ANGPTL4: variants seen among roughly 807,000 people sequenced by gnomAD.
The protein encoded by ANGPTL4 is angiopoietin like 4.
In ANGPTL4, 39 loss-of-function variants were observed where a neutral mutation model predicts 39.2. That is an observed-to-expected ratio of 1.00 (90% CI 0.77 to 1.30). The LOEUF (loss-of-function observed/expected upper bound fraction) is 1.30. ANGPTL4 is among the 50% of genes most tolerant of loss of function. ANGPTL4 has a pLI of 0.00. For synonymous variants in ANGPTL4, 233 were observed against 229.5 expected (o/e 1.02, Z -0.14); for missense variants, 545 against 549.8 (o/e 0.99, Z 0.09).
chr19:8,371,966 G>A lies in ANGPTL4; in HGVS notation c.1039+444G>A, dbSNP rs1182707872. On this transcript the variant is annotated intron_variant, in intron 6 of 6. Transcript: ENST00000301455. The surrounding 1 kb of genome is among the most constrained non-coding windows in gnomAD (Gnocchi z 5.1). ...GTAGAGATGGGGTTTCACCGTGTTA[G>A]CCAGGATGGTCTCGATCTCCTGACC... Among the ~76,000 whole-genome samples the A allele has an allele frequency of 6.6e-6, 1 of 152,024 alleles. No individual in the cohort carries two copies.
intron 3 of ANGPTL4, among the ~76,000 whole-genome samples, chr19:8,366,795 A>G (rs2145473065): frequency 6.6e-6 from 1 of 151,814 alleles, no homozygotes; most frequent in Middle Eastern, 3.4e-3. Context: ...CAGACCAGAA[A>G]CACTCTTGTA....
Position 8,371,521 on chromosome 19 carries a change from T to A in ANGPTL4, c.1038T>A (p.Ser346=). The A allele has an allele frequency of 6.2e-7, 1 of 1,612,844 alleles. No homozygotes were observed. The highest frequency in any genetic ancestry group is 8.5e-7 in the Non-Finnish European group (1 of 1,180,006). The part of the protein sequence containing the change: ...RRDKNCAKSL[S]GGWWFGTCSH... ...ACAAGAACTGCGCCAAGAGCCTCTC[T>A]GGTGAGCAGGCCCTGCCATGCCACA... is the stretch of plus-strand genomic sequence containing the variant. Residue 346 remains serine, a splice_region_variant and synonymous_variant, in exon 6 of 7, where the codon TCT becomes TCA. Transcript: ENST00000301455. This position sits in a 1 kb window ranked among gnomAD's most constrained non-coding sequence, Gnocchi z 5.1.
rs763376245 is a variant in ANGPTL4 at position 8,374,313 on chromosome 19, G to A, written c.*427G>A. 10 of 192,348 alleles carry A rather than the reference G, an allele frequency of 5.2e-5. No homozygotes were observed. The highest frequency in any genetic ancestry group is 4.7e-3 in the Middle Eastern group (2 of 422). The allele number at this position is 192,348 out of a possible 1,614,324, so 11.9% of individuals were successfully genotyped here. On this transcript the variant is annotated 3_prime_UTR_variant, in exon 7 of 7. Transcript: ENST00000301455. The stretch of plus-strand genomic sequence containing the variant: ...AGGTCCCCTGGGGACACAAGCAGGC[G>A]CCAATGGTATCTGGGCGGAGCTCAC...
rs746114692 is a variant in ANGPTL4 at position 8,371,422 on chromosome 19, C to T, written c.939C>T (p.Gly313=). Reference sequence around the variant, plus strand: ...CTGCACCCGTGGCCGGCCAGCTGGGCGCCACCACCGTCCCACCCAGCGGCC... The same window carrying T: ...CTGCACCCGTGGCCGGCCAGCTGGGTGCCACCACCGTCCCACCCAGCGGCC... ...QLTAPVAGQL[G]ATTVPPSGLS... The change falls in exon 6 of 7, where the codon GGC becomes GGT. Residue 313 remains glycine, a synonymous_variant. Coordinates refer to ENST00000301455, the MANE Select transcript of ANGPTL4 (RefSeq NM_139314.3). This position sits in a 1 kb window ranked among gnomAD's most constrained non-coding sequence, Gnocchi z 5.1. The T allele has an allele frequency of 6.8e-6, 11 of 1,613,332 alleles. No individual in the cohort carries two copies. The highest frequency in any genetic ancestry group is 3.3e-5 in the South Asian group (3 of 91,078).
At chr19:8,372,392 CTTTTTTT>C (rs34408253) in intron 6 of ANGPTL4, among the ~76,000 whole-genome samples, 1 of 110,328 alleles carries the variant, frequency 9.1e-6, no homozygotes, top group Non-Finnish European at 1.9e-5. Context: ...CCACAGGATT[CTTTTTTT>C]TTTTTTTTTT....
chr19:8,366,959 C>T lies in ANGPTL4; in HGVS notation c.547+640C>T, dbSNP rs141887872. ...TGTAGGTGCTTTATTCCCAAATCTC[C>T]GTTCATCTCGAACCACAGCATGTCC... On this transcript the variant is annotated intron_variant, in intron 3 of 6. Coordinates refer to ENST00000301455, the MANE Select transcript of ANGPTL4 (RefSeq NM_139314.3). Among the ~76,000 whole-genome samples, 307 of 151,496 alleles carry T rather than the reference C, an allele frequency of 2.0e-3. 1 individual carries two copies. The Middle Eastern group carries it at 0.02, about 10-fold the overall frequency.
At position 8,371,067 on chromosome 19, in the gene ANGPTL4, A is replaced by G. The variant is rs531895900; in HGVS notation, c.673A>G (p.Thr225Ala). 5.6e-6 allele frequency: 9 copies of G among 1,597,754 alleles called. No homozygotes were observed. In the South Asian group the frequency reaches 9.0e-5, roughly 16 times the overall value. ...NCKMTSDGGW[T>A]VIQRRHDGSV... ...ACCTTTCTGGGCAGATGGAGGCTGG[A>G]CAGTAATTCAGAGGCGCCACGATGG... The change falls in exon 5 of 7, where the codon ACA (threonine) becomes GCA (alanine). Residue 225 changes from threonine (T) to alanine (A), a missense_variant. Transcript: ENST00000301455. The surrounding 1 kb of genome is among the most constrained non-coding windows in gnomAD (Gnocchi z 5.1).
chr19:8,370,865 G>A (rs1410069601), intron 4 of ANGPTL4, among the ~76,000 whole-genome samples, 191 bp from the exon 5 acceptor site: 1 of 152,082 alleles, frequency 6.6e-6, no homozygotes, highest in African/African-American at 2.4e-5. Context: ...GGGTTCTTGG[G>A]ACAAAGATCT....
rs1971122612 is a variant in ANGPTL4, at chr19:8,371,604, C to G, written c.1039+82C>G. 4 of 1,576,190 alleles carry G rather than the reference C, an allele frequency of 2.5e-6. No individual in the cohort carries two copies. Among genetic ancestry groups the G allele is most frequent in the Middle Eastern group, 1.8e-4 (1 of 5,624 alleles). On this transcript the variant is annotated intron_variant, in intron 6 of 6. Coordinates refer to ENST00000301455, the MANE Select transcript of ANGPTL4 (RefSeq NM_139314.3). This position sits in a 1 kb window ranked among gnomAD's most constrained non-coding sequence, Gnocchi z 5.1. ...CTGCTCTGTCCTGCCTTCAACCCCA[C>G]ATTGCATCTGTTTCCTGCCCCCACC...
chr19:8,367,817 T>C (rs1364313243), intron 3 of ANGPTL4, among the ~76,000 whole-genome samples: 2 of 151,958 alleles, frequency 1.3e-5, no homozygotes, highest in African/African-American at 4.9e-5. Flanking sequence ...CATTCATTCA[T>C]TCATTTGTCA....
At chr19:8,366,110 C>T (rs1390321186) in intron 2 of ANGPTL4, 46 bp downstream of exon 2, 14 of 1,610,046 alleles carry the variant, frequency 8.7e-6, no homozygotes, top group Non-Finnish European at 1.2e-5. Context: ...ATAGCTGGAC[C>T]CCAGGTTGAG....
Position 8,364,506 on chromosome 19 carries a change from C to T in ANGPTL4, c.185C>T (p.Thr62Ile), listed in dbSNP as rs1279159853. The T allele has an allele frequency of 1.9e-6, 3 of 1,564,350 alleles. No homozygotes were observed. The highest frequency in any genetic ancestry group is 2.6e-6 in the Non-Finnish European group (3 of 1,155,702). Residue 62 changes from threonine to isoleucine, a missense_variant, in exon 1 of 7, where the codon ACC becomes ATC. Transcript: ENST00000301455. ...GGGCTGCGCGAACACGCGGAGCGCA[C>T]CCGCAGTCAGCTGAGCGCGCTGGAG... ...GQGLREHAER[T>I]RSQLSALERR...
At position 8,369,326 on chromosome 19, in the gene ANGPTL4, A is replaced by G. The variant is rs1434626237; in HGVS notation, c.655A>G (p.Thr219Ala). The G allele has an allele frequency of 6.2e-7, 1 of 1,610,790 alleles. No homozygotes were observed. ...GCCATTTTTGGTGAACTGCAAGATGACCTCAGGTAGGGTGTGTTAGTCCAC... is the reference window on the plus strand; with the variant it reads ...GCCATTTTTGGTGAACTGCAAGATGGCCTCAGGTAGGGTGTGTTAGTCCAC... Reference protein sequence around the residue: ...SPPFLVNCKMTSDGGWTVIQR... With the variant: ...SPPFLVNCKMASDGGWTVIQR... Residue 219 changes from threonine (T) to alanine (A), a missense_variant, in exon 4 of 7, where the codon ACC (threonine) becomes GCC (alanine). Transcript: ENST00000301455.
Position 8,371,584 on chromosome 19 carries a change from C to G in ANGPTL4, c.1039+62C>G. ...CTTCCCTCCTTATCTTTCTGCTGCT[C>G]TGTCCTGCCTTCAACCCCACATTGC... On this transcript the variant is annotated intron_variant, in intron 6 of 6. Transcript: ENST00000301455. This position sits in a 1 kb window ranked among gnomAD's most constrained non-coding sequence, Gnocchi z 5.1. The G allele has an allele frequency of 1.2e-6, 2 of 1,602,620 alleles. No individual in the cohort carries two copies. The highest frequency in any genetic ancestry group is 2.2e-5 in the South Asian group (2 of 90,528).
In ANGPTL4 at chr19:8,366,041, C is replaced by T. The variant is rs1367069861; in HGVS notation, c.406C>T (p.Arg136Ter). Residue 136 changes from arginine to a stop codon, truncating the protein, a stop_gained, in exon 2 of 7, where the codon CGA becomes TGA. Transcript: ENST00000301455. LOFTEE classifies it high-confidence loss of function. Reference protein sequence around the residue: ...QQRHLEKQHLRIQHLQSQFGL... With the variant: ...QQRHLEKQHL ...GCGGCACCTGGAGAAGCAGCACCTGCGAATTCAGCATCTGCAAAGCCAGGT... is the reference window on the plus strand; with the variant it reads ...GCGGCACCTGGAGAAGCAGCACCTGTGAATTCAGCATCTGCAAAGCCAGGT... 3.7e-6 allele frequency: 6 copies of T among 1,614,066 alleles called. No individual in the cohort carries two copies. Among genetic ancestry groups the T allele is most frequent in the East Asian group, 4.5e-5 (2 of 44,874 alleles).
At chr19:8,367,204 C>T (rs979201003) in intron 3 of ANGPTL4, among the ~76,000 whole-genome samples, 9 of 152,200 alleles carry the variant, frequency 5.9e-5, no homozygotes, top group South Asian at 2.1e-4. Context: ...CCGTGCTGCC[C>T]GCCCCCAACC....
chr19:8,371,470 G>A lies in ANGPTL4; in HGVS notation c.987G>A (p.Trp329Ter). 1 of 1,613,256 alleles carries A rather than the reference G, an allele frequency of 6.2e-7. No individual in the cohort carries two copies. Among genetic ancestry groups the A allele is most frequent in the Non-Finnish European group, 8.5e-7 (1 of 1,180,026 alleles). The change falls in exon 6 of 7, where the codon TGG becomes TGA. Residue 329 changes from tryptophan (W) to a stop codon, truncating the protein, a stop_gained. Coordinates refer to ENST00000301455, the MANE Select transcript of ANGPTL4 (RefSeq NM_139314.3). LOFTEE classifies it high-confidence loss of function. The surrounding 1 kb of genome is among the most constrained non-coding windows in gnomAD (Gnocchi z 5.1). ...PSGLSVPFST[W>*]DQDHDLRRDK... The stretch of plus-strand genomic sequence containing the variant: ...GCCTCTCCGTACCCTTCTCCACTTG[G>A]GACCAGGATCACGACCTCCGCAGGG...
At chr19:8,370,012 G>T (rs1367671125) in intron 4 of ANGPTL4, among the ~76,000 whole-genome samples, 1 of 151,756 alleles carries the variant, frequency 6.6e-6, no homozygotes, top group East Asian at 2.0e-4. Context: ...AGACCAGCCT[G>T]ACCAACATGG....
intron 1 of ANGPTL4, among the ~76,000 whole-genome samples, chr19:8,365,068 C>T (rs1399104050): frequency 6.6e-6 from 1 of 152,044 alleles, no homozygotes; most frequent in African/African-American, 2.4e-5. Flanking sequence ...ACTTGGGAGG[C>T]TGAGGCAGGA....
Sources: allele counts gnomAD v4.1 joint callset (sites outside exome capture counted in the v4.1 genomes callset), GRCh38; gene constraint gnomAD v4.1.1; non-coding constraint Gnocchi (gnomAD v3.1); transcripts MANE v1.5; gene names NCBI Gene and HGNC (gene_info 2026-07-23, HGNC 2026-07-21).